MACROD2: variants seen among roughly 807,000 people sequenced by gnomAD.
MACROD2 encodes mono-ADP ribosylhydrolase 2, also known as ADP-ribose glycohydrolase MACROD2.
In MACROD2, 36 loss-of-function variants were observed where a neutral mutation model predicts 70.4. The ratio of observed to expected loss-of-function variants is 0.51; its 90% CI spans 0.39 to 0.68. MACROD2 has a LOEUF of 0.68. Ranked by LOEUF, MACROD2 falls within the 30% of genes least tolerant of loss-of-function variation. MACROD2 has a pLI of 0.00. For missense variants in MACROD2, 496 were observed against 538.4 expected (o/e 0.92, Z 0.78); for synonymous variants, 172 against 178.8 (o/e 0.96, Z 0.30).
At chr20:15,714,555 G>A (rs978474861) in intron 8 of MACROD2, among the ~76,000 whole-genome samples, 6 of 152,182 alleles carry the variant, frequency 3.9e-5, no homozygotes, top group Non-Finnish European at 8.8e-5. Flanking sequence ...GTTGCTTAAC[G>A]AGATATAGAG....
At chr20:15,434,841 T>C (rs537056473) in intron 7 of MACROD2, among the ~76,000 whole-genome samples, 30 of 152,194 alleles carry the variant, frequency 2.0e-4, no homozygotes, top group African/African-American at 7.2e-4. Context: ...TACTCAGCCA[T>C]GAAAAGGAAT....
intron 3 of MACROD2, among the ~76,000 whole-genome samples, chr20:14,437,874 T>C (rs2084076007): frequency 6.6e-6 from 1 of 152,196 alleles, no homozygotes; most frequent in Non-Finnish European, 1.5e-5. Context: ...CACATCTATA[T>C]AGTAAAATTA....
chr20:14,226,524 G>A (rs2081735579), intron 3 of MACROD2, among the ~76,000 whole-genome samples: 2 of 152,306 alleles, frequency 1.3e-5, no homozygotes. Flanking sequence ...GCGCGAGCGG[G>A]AACCGGGGCT....
intron 5 of MACROD2, among the ~76,000 whole-genome samples, chr20:14,875,828 A>C (rs1193700605): frequency 6.6e-6 from 1 of 152,132 alleles, no homozygotes; most frequent in Non-Finnish European, 1.5e-5. Flanking sequence ...ATTCTTTTTC[A>C]TGGAGGTATA....
intron 3 of MACROD2, among the ~76,000 whole-genome samples, chr20:14,129,836 T>C (rs1642582685): frequency 6.6e-6 from 1 of 152,216 alleles, no homozygotes. Context: ...CAATAAAGTA[T>C]TTTTTAAAGT....
intron 3 of MACROD2, among the ~76,000 whole-genome samples, chr20:14,451,371 C>T (rs1252396604): frequency 6.6e-6 from 1 of 152,120 alleles, no homozygotes; most frequent in Non-Finnish European, 1.5e-5. Context: ...ATTGCTTGAA[C>T]CCAGGAGGCA....
intron 5 of MACROD2, among the ~76,000 whole-genome samples, chr20:15,201,949 G>A (rs1427644611): frequency 6.6e-6 from 1 of 152,106 alleles, no homozygotes; most frequent in Non-Finnish European, 1.5e-5. Flanking sequence ...AAAGTAAATT[G>A]GCATGTGTAT....
intron 5 of MACROD2, among the ~76,000 whole-genome samples, chr20:14,923,782 G>C (rs892859568): frequency 6.9e-6 from 1 of 145,452 alleles, no homozygotes; most frequent in Non-Finnish European, 1.5e-5. Context: ...CTAGGCTGGC[G>C]GTGCGTTGGG....
intron 12 of MACROD2, among the ~76,000 whole-genome samples, chr20:15,963,132 A>G (rs929341645): frequency 2.0e-5 from 3 of 152,220 alleles, no homozygotes; most frequent in Admixed American, 1.3e-4. Flanking sequence ...TGCATAGTAT[A>G]ATCAAATCAG....
At chr20:15,890,399 A>G (rs908045236) in intron 10 of MACROD2, among the ~76,000 whole-genome samples, 1 of 152,320 alleles carries the variant, frequency 6.6e-6, no homozygotes, top group African/African-American at 2.4e-5. Context: ...GACACATTGC[A>G]GTGACATAGA....
At chr20:15,861,213 A>G (rs1417852820) in intron 8 of MACROD2, among the ~76,000 whole-genome samples, 1 of 152,218 alleles carries the variant, frequency 6.6e-6, no homozygotes, top group African/African-American at 2.4e-5. Flanking sequence ...CAGAAATGGT[A>G]TCAGAGAGTA....
At chr20:15,149,668 G>A (rs1168994183) in intron 5 of MACROD2, among the ~76,000 whole-genome samples, 1 of 151,988 alleles carries the variant, frequency 6.6e-6, no homozygotes, top group Non-Finnish European at 1.5e-5. Flanking sequence ...GATTTTAAGG[G>A]CCTCTAAAAG....
At chr20:14,406,434 C>T (rs1175840755) in intron 3 of MACROD2, among the ~76,000 whole-genome samples, 1 of 152,022 alleles carries the variant, frequency 6.6e-6, no homozygotes, top group Non-Finnish European at 1.5e-5. Flanking sequence ...ATAAGGGAAC[C>T]TGGTACAAAG....
chr20:15,843,048 T>C (rs1056638201), intron 8 of MACROD2, among the ~76,000 whole-genome samples: 2 of 152,144 alleles, frequency 1.3e-5, no homozygotes, highest in African/African-American at 2.4e-5. Flanking sequence ...CCTCACCACT[T>C]GGTGGCACTG....
chr20:14,952,616 TCTTG>T (rs1029023189), intron 5 of MACROD2, among the ~76,000 whole-genome samples: 30 of 152,166 alleles, frequency 2.0e-4, no homozygotes, highest in Non-Finnish European at 4.4e-5. Flanking sequence ...TAAAAAATTT[TCTTG>T]CTTACTTTTA....
intron 3 of MACROD2, among the ~76,000 whole-genome samples, chr20:14,162,163 G>A (rs74847991): frequency 0.019 from 2,897 of 152,168 alleles, 54 homozygotes; most frequent in Non-Finnish European, 0.03. Flanking sequence ...TAATTTCTAT[G>A]TGTTTGTATG....
chr20:14,935,342 T>C (rs145802256), intron 5 of MACROD2: 2 of 152,258 alleles, frequency 1.3e-5, no homozygotes, highest in East Asian at 3.9e-4. Context: ...GGTCCTCAAG[T>C]CTAGTAGTAG....
chr20:14,688,951 A>G (rs1196830918), intron 5 of MACROD2, among the ~76,000 whole-genome samples: 2 of 152,204 alleles, frequency 1.3e-5, no homozygotes, highest in Non-Finnish European at 2.9e-5. Context: ...TCCTTCCGCA[A>G]TTATTCTGCA....
chr20:14,837,259 A>G (rs1241622775), intron 5 of MACROD2, among the ~76,000 whole-genome samples: 7 of 152,086 alleles, frequency 4.6e-5, no homozygotes, highest in African/African-American at 1.7e-4. Flanking sequence ...CTATGAGTGA[A>G]TATCTTTACA....
Sources: allele counts gnomAD v4.1 joint callset (sites outside exome capture counted in the v4.1 genomes callset), GRCh38; gene constraint gnomAD v4.1.1; transcripts MANE v1.5; gene names NCBI Gene and HGNC (gene_info 2026-07-23, HGNC 2026-07-21).